ANKFN1: variants seen among roughly 807,000 people sequenced by gnomAD.
The protein encoded by ANKFN1 is ankyrin repeat and fibronectin type III domain containing 1, also known as ankyrin repeat and fibronectin type-III domain-containing protein 1.
A neutral mutation model predicts 108.7 loss-of-function variants in ANKFN1; 74 were observed. The observed-to-expected ratio is 0.68, with a 90% confidence interval of 0.56 to 0.83. The LOEUF is 0.83. Among genes scored for constraint, ANKFN1 ranks in the 40% least tolerant of loss-of-function variants. The pLI is 0.00. For missense variants in ANKFN1, 1,505 were observed against 1,382.3 expected, an observed-to-expected ratio of 1.09 and a Z score of -1.41; for synonymous variants, 547 against 516.2, an observed-to-expected ratio of 1.06 and a Z score of -0.81.
rs148537417 is a variant in ANKFN1, at chr17:56,291,595, C to A, written c.54-34626C>A. ...TAGCTGGGCTGACCTGAACACTGGC[C>A]AGCTGCCTATAACAGTGGCCTAGAG... On this transcript the variant is annotated intron_variant, in intron 3 of 20. Coordinates refer to ENST00000682825, the MANE Select transcript of ANKFN1 (RefSeq NM_001370326.1). Among the ~76,000 whole-genome samples, 233 of 152,292 alleles carry A rather than the reference C, an allele frequency of 1.5e-3. 1 individual carries two copies. The highest frequency in any genetic ancestry group is 5.3e-3 in the African/African-American group (222 of 41,560).
chr17:56,370,488 G>T (rs1189270863), intron 6 of ANKFN1, among the ~76,000 whole-genome samples: 1 of 152,140 alleles, frequency 6.6e-6, no homozygotes, highest in African/African-American at 2.4e-5. Flanking sequence ...TAAATCATGT[G>T]TCTGTCACCC....
intron 4 of ANKFN1, among the ~76,000 whole-genome samples, chr17:56,142,845 A>G (rs1908007113): frequency 6.6e-6 from 1 of 152,050 alleles, no homozygotes; most frequent in South Asian, 2.1e-4. Flanking sequence ...CTCCAATGCG[A>G]ACTAACTTCT....
intron 4 of ANKFN1, among the ~76,000 whole-genome samples, chr17:56,088,926 G>A (rs568942404): frequency 1.3e-5 from 2 of 151,432 alleles, no homozygotes; most frequent in East Asian, 3.9e-4. Flanking sequence ...AATCAATTCT[G>A]GCTTGGTCTA....
At chr17:56,143,221 C>T (rs949258532) in intron 4 of ANKFN1, among the ~76,000 whole-genome samples, 7 of 152,184 alleles carry the variant, frequency 4.6e-5, no homozygotes, top group Non-Finnish European at 8.8e-5. Context: ...AAATTCCAGC[C>T]AGCTCAGAGA....
chr17:56,366,429 T>A (rs1359960062), intron 6 of ANKFN1, among the ~76,000 whole-genome samples: 11 of 152,164 alleles, frequency 7.2e-5, no homozygotes, highest in African/African-American at 2.4e-4. Context: ...TAGTGTAGCT[T>A]AATTGTACAG....
chr17:56,336,373 T>C (rs960288585), intron 4 of ANKFN1, among the ~76,000 whole-genome samples: 3 of 152,198 alleles, frequency 2.0e-5, no homozygotes, highest in Non-Finnish European at 4.4e-5. Flanking sequence ...TGGTAGGCTA[T>C]TGATTATTGC....
intron 1 of ANKFN1, among the ~76,000 whole-genome samples, chr17:56,167,305 A>ACG (rs1491406695): frequency 1.2e-5 from 1 of 80,110 alleles, no homozygotes; most frequent in East Asian, 7.3e-4. Context: ...ATACATATAT[A>ACG]CACACACACA....
chr17:56,255,003 T>G (rs2043323239), intron 3 of ANKFN1, among the ~76,000 whole-genome samples: 1 of 152,112 alleles, frequency 6.6e-6, no homozygotes, highest in Non-Finnish European at 1.5e-5. Flanking sequence ...CTTAAATGAC[T>G]GCTGTCAGAG....
At chr17:56,240,792 C>T (rs1651697365) in intron 3 of ANKFN1, among the ~76,000 whole-genome samples, 1 of 151,966 alleles carries the variant, frequency 6.6e-6, no homozygotes, top group Non-Finnish European at 1.5e-5. Flanking sequence ...AATTGAGCAT[C>T]TTTTAATATG....
intron 11 of ANKFN1, among the ~76,000 whole-genome samples, chr17:56,455,561 C>T (rs2049659937): frequency 6.6e-6 from 1 of 152,222 alleles, no homozygotes; most frequent in South Asian, 2.1e-4. Context: ...ACCATATTCT[C>T]ATCTCCAGTG....
intron 11 of ANKFN1, among the ~76,000 whole-genome samples, chr17:56,454,389 C>T (rs1391261479): frequency 6.6e-6 from 1 of 152,142 alleles, no homozygotes; most frequent in African/African-American, 2.4e-5. Context: ...GGCTTTGTTT[C>T]ATTTTATATT....
rs547665544 is a variant in ANKFN1, at chr17:56,100,996, TG to T, written c.288+54674del. On this transcript the variant is annotated intron_variant, in intron 4 of 12. Transcript: ENST00000635860. ...TGATGGTATTTGGAGGTAGGGCCTT[TG>T]GGACGTAATCAGATTAGGTCATGAG... 5.3e-5 allele frequency among the ~76,000 whole-genome samples: 8 copies of T among 152,188 alleles called. No individual in the cohort carries two copies. The East Asian group carries it at 1.2e-3, about 22-fold the overall frequency.
chr17:56,324,170 G>C (rs1028479725), intron 3 of ANKFN1, among the ~76,000 whole-genome samples: 1 of 152,132 alleles, frequency 6.6e-6, no homozygotes, highest in African/African-American at 2.4e-5. Context: ...ATAGAAAGGT[G>C]GTGAGAAATT....
chr17:56,375,518 T>C (rs1439704380), intron 8 of ANKFN1, among the ~76,000 whole-genome samples: 2 of 152,164 alleles, frequency 1.3e-5, no homozygotes, highest in Admixed American at 1.3e-4. Context: ...AGACTTTATG[T>C]GATGAATTCA....
chr17:56,113,690 T>C (rs758752349), intron 4 of ANKFN1, among the ~76,000 whole-genome samples: 15 of 152,222 alleles, frequency 9.9e-5, no homozygotes, highest in African/African-American at 1.7e-4. Flanking sequence ...AAAATAAACA[T>C]TGGGCTCTAC....
chr17:56,419,310 C>T (rs996512575), intron 8 of ANKFN1, among the ~76,000 whole-genome samples: 1 of 151,358 alleles, frequency 6.6e-6, no homozygotes, highest in Non-Finnish European at 1.5e-5. Flanking sequence ...GGCGAAACCC[C>T]ATCTCTACTA....
Position 56,085,348 on chromosome 17 carries a change from C to T in ANKFN1, c.288+39023C>T, listed in dbSNP as rs796097782. Among the ~76,000 whole-genome samples the T allele has an allele frequency of 1.6e-4, 24 of 150,690 alleles. 3 individuals are homozygous for T. The Middle Eastern group carries it at 0.014, about 87-fold the overall frequency. On this transcript the variant is annotated intron_variant, in intron 4 of 12. Transcript: ENST00000635860. ...TTGACAAGTATTCTTGTCAGAGACA[C>T]GCAGAGGAGAGAACAACATAGGAAT... is the stretch of plus-strand genomic sequence containing the variant.
At chr17:56,293,864 C>A (rs1327509554) in intron 3 of ANKFN1, among the ~76,000 whole-genome samples, 2 of 152,196 alleles carry the variant, frequency 1.3e-5, no homozygotes, top group Non-Finnish European at 2.9e-5. Flanking sequence ...ATAGTCCCAG[C>A]ACCTCTGTCC....
chr17:56,358,220 A>C (rs1038229053), intron 6 of ANKFN1, among the ~76,000 whole-genome samples: 5 of 152,174 alleles, frequency 3.3e-5, no homozygotes, highest in Admixed American at 1.3e-4. Flanking sequence ...AAACTAGCTC[A>C]GTATTCTTTT....
Sources: allele counts gnomAD v4.1 joint callset (sites outside exome capture counted in the v4.1 genomes callset), GRCh38; gene constraint gnomAD v4.1.1; transcripts MANE v1.5; gene names NCBI Gene and HGNC (gene_info 2026-07-23, HGNC 2026-07-21).